SLC8A1: variants seen among roughly 807,000 people sequenced by gnomAD.
The protein encoded by SLC8A1 is solute carrier family 8 member A1.
A neutral mutation model predicts 68.3 loss-of-function variants in SLC8A1; 18 were observed. The ratio of observed to expected loss-of-function variants is 0.26; its 90% CI spans 0.18 to 0.39. The LOEUF (loss-of-function observed/expected upper bound fraction) is 0.39, where lower values mean the gene tolerates loss of function less well. Among genes scored for constraint, SLC8A1 ranks in the 10% least tolerant of loss-of-function variants. SLC8A1 has a pLI of 1.00. For missense variants in SLC8A1, 985 were observed against 1,156.7 expected (o/e 0.85, Z 2.15); for synonymous variants, 475 against 415.5 (o/e 1.14, Z -1.74).
chr2:40,218,508 A>G (rs1245138099), intron 2 of SLC8A1, among the ~76,000 whole-genome samples: 1 of 152,102 alleles, frequency 6.6e-6, no homozygotes, highest in African/African-American at 2.4e-5. Context: ...TACTTTTACT[A>G]TTTTGCCATT....
chr2:40,406,478 G>C (rs1165006761), intron 2 of SLC8A1, among the ~76,000 whole-genome samples: 1 of 152,106 alleles, frequency 6.6e-6, no homozygotes, highest in Non-Finnish European at 1.5e-5. Flanking sequence ...CTTCTAAATG[G>C]GTTATTGAGC....
chr2:40,186,011 G>C (rs1051190361), intron 2 of SLC8A1, among the ~76,000 whole-genome samples: 1 of 152,148 alleles, frequency 6.6e-6, no homozygotes, highest in Non-Finnish European at 1.5e-5. Flanking sequence ...TAGAATGCTG[G>C]TTGCCCCCTC....
chr2:40,208,575 T>G (rs372105027), intron 2 of SLC8A1: 4 of 152,256 alleles, frequency 2.6e-5, no homozygotes, highest in South Asian at 4.1e-4. Flanking sequence ...CCAGAGATTT[T>G]GGTTACAATA....
chr2:40,219,576 C>G (rs1051754095), intron 2 of SLC8A1, among the ~76,000 whole-genome samples: 7 of 152,306 alleles, frequency 4.6e-5, no homozygotes, highest in Admixed American at 3.3e-4. Flanking sequence ...GCGATACTAT[C>G]TGGTATATAA....
intron 2 of SLC8A1, among the ~76,000 whole-genome samples, chr2:40,315,367 T>G (rs1468383277): frequency 3.3e-5 from 5 of 151,878 alleles, no homozygotes; most frequent in Non-Finnish European, 7.4e-5. Flanking sequence ...AAATGGAAGG[T>G]TAGTCACAGT....
At chr2:40,317,039 T>C (rs1258049602) in intron 2 of SLC8A1, among the ~76,000 whole-genome samples, 4 of 152,078 alleles carry the variant, frequency 2.6e-5, no homozygotes, top group Non-Finnish European at 1.5e-5. Flanking sequence ...TGCTCAAAAA[T>C]TGTGTTAAAC....
chr2:40,350,612 A>T (rs1321502077), intron 2 of SLC8A1, among the ~76,000 whole-genome samples: 1 of 131,130 alleles, frequency 7.6e-6, no homozygotes, highest in Non-Finnish European at 1.6e-5. Context: ...AAAAAAAAAA[A>T]AAAAAAAAGG....
intron 2 of SLC8A1, among the ~76,000 whole-genome samples, chr2:40,411,576 CGTT>C (rs1692157501): frequency 6.6e-6 from 1 of 151,604 alleles, no homozygotes; most frequent in Admixed American, 6.6e-5. Context: ...TATGTATAAA[CGTT>C]GTCTTTAAAA....
chr2:40,267,851 C>A (rs2065547337), intron 2 of SLC8A1, among the ~76,000 whole-genome samples: 1 of 152,078 alleles, frequency 6.6e-6, no homozygotes, highest in South Asian at 2.1e-4. Flanking sequence ...CAGAGAGTCC[C>A]TTCTCTGTGA....
intron 2 of SLC8A1, among the ~76,000 whole-genome samples, chr2:40,261,751 CG>C (rs2064738762): frequency 6.6e-6 from 1 of 152,152 alleles, no homozygotes; most frequent in Non-Finnish European, 1.5e-5. Flanking sequence ...GTGCCACAGT[CG>C]TTGCACTGTG....
chr2:40,269,951 T>G (rs17025712), intron 2 of SLC8A1, among the ~76,000 whole-genome samples: 27,721 of 152,132 alleles, frequency 0.18, 3,264 homozygotes, highest in East Asian at 0.6. Flanking sequence ...TGGCATATTT[T>G]ACACTATTTG....
chr2:40,459,687 G>GCT (rs1461578318), intron 1 of SLC8A1, among the ~76,000 whole-genome samples: 1 of 152,212 alleles, frequency 6.6e-6, no homozygotes, highest in Non-Finnish European at 1.5e-5. Flanking sequence ...TTATAAGTAA[G>GCT]CTCTGGTGGG....
At chr2:40,462,967 G>C (rs1182619705) in intron 1 of SLC8A1, among the ~76,000 whole-genome samples, 1 of 151,946 alleles carries the variant, frequency 6.6e-6, no homozygotes, top group African/African-American at 2.4e-5. Flanking sequence ...GTTTTTGAGT[G>C]ACCACTAAGC....
intron 2 of SLC8A1, among the ~76,000 whole-genome samples, chr2:40,417,130 C>T (rs1334205415): frequency 6.6e-6 from 1 of 152,054 alleles, no homozygotes; most frequent in Non-Finnish European, 1.5e-5. Flanking sequence ...TTGTGATTGT[C>T]TTCAGTATGA....
intron 2 of SLC8A1, among the ~76,000 whole-genome samples, chr2:40,226,651 CAG>C (rs919137927): frequency 7.9e-5 from 12 of 152,136 alleles, no homozygotes; most frequent in African/African-American, 2.7e-4. Flanking sequence ...GGTATTAAGA[CAG>C]ACTTACATTT....
At chr2:40,370,768 T>G (rs1276757847) in intron 2 of SLC8A1, among the ~76,000 whole-genome samples, 1 of 152,104 alleles carries the variant, frequency 6.6e-6, no homozygotes, top group Non-Finnish European at 1.5e-5. Context: ...CAAAGCACTT[T>G]CATACCTGTA....
intron 2 of SLC8A1, among the ~76,000 whole-genome samples, chr2:40,423,184 C>A (rs1013241807): frequency 6.6e-6 from 1 of 152,066 alleles, no homozygotes; most frequent in Non-Finnish European, 1.5e-5. Flanking sequence ...ATGGTCCTGT[C>A]TATTGAAACT....
At chr2:40,351,963 A>G in intron 2 of SLC8A1, among the ~76,000 whole-genome samples, 1 of 152,206 alleles carries the variant, frequency 6.6e-6, no homozygotes, top group East Asian at 1.9e-4. Context: ...GTGCATTCAT[A>G]AAGAATCCAA....
Position 40,290,123 on chromosome 2 carries a change from C to CG in SLC8A1, c.1809-112269_1809-112268insC, listed in dbSNP as rs563316281. On this transcript the variant is annotated intron_variant, in intron 2 of 7. Coordinates refer to ENST00000406785, the Ensembl canonical transcript of SLC8A1. Reference sequence around the variant, plus strand: ...GCTTATTATTTAGTCTCAGGTTGGACTGCCACCTAAACTGTTGGTTCCATT... The same window carrying CG: ...GCTTATTATTTAGTCTCAGGTTGGACGTGCCACCTAAACTGTTGGTTCCATT... Among the ~76,000 whole-genome samples, 7 of 152,158 alleles carry CG rather than the reference C, an allele frequency of 4.6e-5. No homozygotes were observed. In the South Asian group the frequency reaches 1.5e-3, roughly 32 times the overall value.
Sources: allele counts gnomAD v4.1 joint callset (sites outside exome capture counted in the v4.1 genomes callset), GRCh38; gene constraint gnomAD v4.1.1; transcripts MANE v1.5; gene names NCBI Gene and HGNC (gene_info 2026-07-23, HGNC 2026-07-21).